Variants in SCLT1 observed in about 807,000 individuals in gnomAD.
SCLT1 encodes the protein sodium channel-associated protein 1.
A neutral mutation model predicts 112.8 loss-of-function variants in SCLT1; 78 were observed. The ratio of observed to expected loss-of-function variants is 0.69; its 90% CI spans 0.58 to 0.83. SCLT1 has a LOEUF of 0.83. Ranked by LOEUF, SCLT1 falls within the 40% of genes least tolerant of loss-of-function variation. The pLI is 0.00. For missense variants in SCLT1, 747 were observed against 770.4 expected, an observed-to-expected ratio of 0.97 and a Z score of 0.36; for synonymous variants, 257 against 254.7, an observed-to-expected ratio of 1.01 and a Z score of -0.09.
intron 5 of SCLT1, among the ~76,000 whole-genome samples, chr4:129,009,446 G>A (rs1411000407): frequency 2.6e-5 from 4 of 151,760 alleles, no homozygotes; most frequent in African/African-American, 7.3e-5. Context: ...CCCAGGAGGC[G>A]GAGCTTGCAG....
intron 15 of SCLT1, 89 bp from the exon 16 acceptor site, chr4:128,946,241 A>G: frequency 2.5e-6 from 2 of 802,198 alleles, no homozygotes; most frequent in East Asian, 2.7e-5. Flanking sequence ...GAAGAAATAA[A>G]AAGCCATGAT....
intron 2 of SCLT1, among the ~76,000 whole-genome samples, chr4:129,060,015 T>C (rs1749809961): frequency 6.6e-6 from 1 of 152,192 alleles, no homozygotes; most frequent in African/African-American, 2.4e-5. Flanking sequence ...GTTCCATAAG[T>C]ACTGTAGCCT....
Position 128,905,784 on chromosome 4 carries a change from A to T in SCLT1, c.1830-14647T>A, listed in dbSNP as rs935623452. Among the ~76,000 whole-genome samples the T allele has an allele frequency of 1.2e-4, 17 of 146,742 alleles. No individual in the cohort carries two copies. In the Admixed American group the frequency reaches 1.2e-3, roughly 10 times the overall value. On this transcript the variant is annotated intron_variant, in intron 18 of 20. Transcript: ENST00000281142. Reference sequence around the variant, plus strand: ...AATTTCTTCTCATTTTTCAGACCTCAGTTTAAATGTCACCTTTTTAGACTA... The same window carrying T: ...AATTTCTTCTCATTTTTCAGACCTCTGTTTAAATGTCACCTTTTTAGACTA...
intron 2 of SCLT1, among the ~76,000 whole-genome samples, chr4:129,050,535 T>C (rs929093107): frequency 6.6e-6 from 1 of 152,238 alleles, no homozygotes; most frequent in Non-Finnish European, 1.5e-5. Flanking sequence ...AATGTCTTTT[T>C]TGAGAAGTGT....
At chr4:128,934,148 G>A (rs1736995758) in intron 18 of SCLT1, among the ~76,000 whole-genome samples, 1 of 151,776 alleles carries the variant, frequency 6.6e-6, no homozygotes, top group South Asian at 2.1e-4. Context: ...TACAAAACAA[G>A]GTTCATTCAA....
chr4:128,965,082 G>C, intron 11 of SCLT1, 145 bp downstream of exon 11: 1 of 534,458 alleles, frequency 1.9e-6, no homozygotes, highest in Non-Finnish European at 3.3e-6. Flanking sequence ...AAACAATGTC[G>C]ATTAAATCAG....
chr4:129,085,108 T>A (rs1226641806), intron 1 of SCLT1, among the ~76,000 whole-genome samples: 3 of 152,196 alleles, frequency 2.0e-5, no homozygotes, highest in African/African-American at 7.2e-5. Context: ...AGAAAATTTC[T>A]GCAAACTGTG....
chr4:128,969,149 C>A (rs2126030467), intron 10 of SCLT1, among the ~76,000 whole-genome samples: 1 of 152,274 alleles, frequency 6.6e-6, no homozygotes, highest in East Asian at 1.9e-4. Context: ...ACTGGCCTCT[C>A]TGGGGTCCCT....
intron 5 of SCLT1, among the ~76,000 whole-genome samples, chr4:129,006,679 A>G (rs1017097916): frequency 2.6e-5 from 4 of 152,088 alleles, no homozygotes; most frequent in Non-Finnish European, 5.9e-5. Context: ...CTACCTATAC[A>G]TAGTTTAATT....
chr4:129,081,887 T>C (rs985242774), intron 2 of SCLT1, among the ~76,000 whole-genome samples: 2 of 152,200 alleles, frequency 1.3e-5, no homozygotes, highest in Admixed American at 1.3e-4. Flanking sequence ...CCTTTCTGGC[T>C]AAATAATTTT....
chr4:129,026,600 A>G (rs2126134247), intron 5 of SCLT1, among the ~76,000 whole-genome samples: 1 of 152,304 alleles, frequency 6.6e-6, no homozygotes, highest in Admixed American at 6.5e-5. Flanking sequence ...AGAAAGCAGG[A>G]AAGATCCAAA....
chr4:128,983,378 A>C (rs182069325), intron 9 of SCLT1, among the ~76,000 whole-genome samples: 14 of 152,228 alleles, frequency 9.2e-5, no homozygotes, highest in Admixed American at 9.2e-4. Flanking sequence ...ATAAGACAAA[A>C]AAAGCACCTC....
At chr4:129,000,644 A>G (rs1487041724) in intron 6 of SCLT1, among the ~76,000 whole-genome samples, 2 of 151,780 alleles carry the variant, frequency 1.3e-5, no homozygotes, top group Admixed American at 6.6e-5. Context: ...TTATGCTCCT[A>G]CTTTTTTTTT....
chr4:128,910,693 T>C lies in SCLT1; in HGVS notation c.1830-19556A>G, dbSNP rs192917275. Reference sequence around the variant, plus strand: ...TTTTATTTCTTCTAATACACTCTTTTTTACACTTAGCTCTTTAATACGTCT... The same window carrying C: ...TTTTATTTCTTCTAATACACTCTTTCTTACACTTAGCTCTTTAATACGTCT... On this transcript the variant is annotated intron_variant, in intron 18 of 20. Transcript: ENST00000281142. 2.0e-4 allele frequency among the ~76,000 whole-genome samples: 31 copies of C among 152,228 alleles called. 1 individual carries two copies. The highest frequency in any genetic ancestry group is 1.5e-5 in the Non-Finnish European group (1 of 67,998).
intron 18 of SCLT1, among the ~76,000 whole-genome samples, chr4:128,911,480 T>G (rs1334584560): frequency 6.6e-6 from 1 of 152,062 alleles, no homozygotes; most frequent in Admixed American, 6.6e-5. Flanking sequence ...TAATAAGATA[T>G]TACAAATTAA....
In SCLT1 at chr4:129,039,928, ACAC is replaced by A. The variant is rs1561001772; in HGVS notation, c.235-835_235-833del. 3.4e-4 allele frequency: 159 copies of A among 466,418 alleles called. 1 individual carries two copies. In the East Asian group the frequency reaches 4.1e-3, roughly 12 times the overall value. 28.9% of individuals were successfully genotyped at this position (466,418 alleles called of 1,614,324 possible). A position where few individuals can be genotyped will look rare whatever the true frequency, so the allele number is the denominator to read the frequency against. ...CACACACACACACACACACACACAC[ACAC>A]AAAACCCTGAATTTACATGTAAAAG... On this transcript the variant is annotated intron_variant, in intron 4 of 20. Coordinates refer to ENST00000281142, the MANE Select transcript of SCLT1 (RefSeq NM_144643.4).
chr4:129,053,980 C>T (rs1211717370), intron 2 of SCLT1, among the ~76,000 whole-genome samples: 1 of 152,052 alleles, frequency 6.6e-6, no homozygotes, highest in East Asian at 1.9e-4. Flanking sequence ...ATTTCCTTGT[C>T]TGTAACGGGT....
At chr4:128,933,318 G>T (rs933738769) in intron 18 of SCLT1, among the ~76,000 whole-genome samples, 1 of 151,788 alleles carries the variant, frequency 6.6e-6, no homozygotes, top group Non-Finnish European at 1.5e-5. Context: ...TCTTCCAAAG[G>T]TGACCAAAGA....
At chr4:129,048,652 T>A (rs1379441041) in intron 2 of SCLT1, among the ~76,000 whole-genome samples, 2 of 152,120 alleles carry the variant, frequency 1.3e-5, no homozygotes, top group East Asian at 1.9e-4. Flanking sequence ...ACTAAAGAGC[T>A]TCTGCATAGC....
Sources: allele counts gnomAD v4.1 joint callset (sites outside exome capture counted in the v4.1 genomes callset), GRCh38; gene constraint gnomAD v4.1.1; transcripts MANE v1.5; gene names NCBI Gene and HGNC (gene_info 2026-07-23, HGNC 2026-07-21).